NAV2: variants seen among roughly 807,000 people sequenced by gnomAD.
NAV2 encodes helicase, APC down-regulated 1.
In NAV2, 54 loss-of-function variants were observed where a neutral mutation model predicts 223.2. The ratio of observed to expected loss-of-function variants is 0.24; its 90% CI spans 0.19 to 0.30. The LOEUF (loss-of-function observed/expected upper bound fraction) is 0.30. NAV2 is among the 10% of genes least tolerant of loss of function. NAV2 has a pLI of 1.00. For synonymous variants in NAV2, 1,279 were observed against 1,239.3 expected, an observed-to-expected ratio of 1.03 and a Z score of -0.67; for missense variants, 2,806 against 3,147.5, an observed-to-expected ratio of 0.89 and a Z score of 2.60.
At chr11:19,502,255 A>T (rs541237322) in intron 1 of NAV2, among the ~76,000 whole-genome samples, 13 of 152,312 alleles carry the variant, frequency 8.5e-5, no homozygotes, top group Non-Finnish European at 1.3e-4. Context: ...ACCTTTGGCA[A>T]ATTACTTAAT....
intron 1 of NAV2, among the ~76,000 whole-genome samples, chr11:19,821,524 C>T (rs2059381678): frequency 6.6e-6 from 1 of 152,200 alleles, no homozygotes; most frequent in Non-Finnish European, 1.5e-5. Flanking sequence ...AGGCATGACC[C>T]AGTGTCTGCT....
chr11:19,601,855 A>G (rs940093888), intron 1 of NAV2, among the ~76,000 whole-genome samples: 2 of 152,232 alleles, frequency 1.3e-5, no homozygotes, highest in Non-Finnish European at 2.9e-5. Context: ...TTTTAGAAAC[A>G]AAGAGCAGGA....
chr11:19,821,752 C>T (rs769953976), intron 1 of NAV2, among the ~76,000 whole-genome samples: 3 of 152,186 alleles, frequency 2.0e-5, no homozygotes, highest in Non-Finnish European at 4.4e-5. Flanking sequence ...GTCTGTTAGT[C>T]CTGAGTGACA....
chr11:19,898,864 A>G (rs1287252348), intron 6 of NAV2, among the ~76,000 whole-genome samples: 1 of 152,212 alleles, frequency 6.6e-6, no homozygotes, highest in Non-Finnish European at 1.5e-5. Flanking sequence ...GAAATGAGGC[A>G]AATTATTTTA....
intron 22 of NAV2, among the ~76,000 whole-genome samples, chr11:20,075,484 G>A (rs563803521): frequency 6.6e-4 from 100 of 152,050 alleles, no homozygotes; most frequent in Non-Finnish European, 1.3e-3. Flanking sequence ...CTCAGGGTCC[G>A]CCCGCCTTAG....
intron 7 of NAV2, among the ~76,000 whole-genome samples, chr11:19,938,603 G>A (rs547181464): frequency 1.5e-4 from 23 of 152,304 alleles, no homozygotes; most frequent in African/African-American, 4.6e-4. Flanking sequence ...AATAAGTTGG[G>A]CTGGTTTCCA....
intron 5 of NAV2, 146 bp from the exon 6 acceptor site, chr11:19,892,288 G>T: frequency 1.4e-6 from 1 of 691,744 alleles, no homozygotes; most frequent in South Asian, 2.7e-5. Context: ...TGTTTGTAAT[G>T]GTTCCACCAA....
chr11:19,916,584 T>C (rs934062094), intron 6 of NAV2, among the ~76,000 whole-genome samples: 6 of 152,234 alleles, frequency 3.9e-5, no homozygotes, highest in African/African-American at 1.4e-4. Context: ...ACTCACTTTA[T>C]CAAACAACAT....
At chr11:19,969,222 A>C (rs116598970) in intron 10 of NAV2, among the ~76,000 whole-genome samples, 1 of 152,326 alleles carries the variant, frequency 6.6e-6, no homozygotes, top group East Asian at 1.9e-4. Flanking sequence ...AAATTTGGCC[A>C]TGGAGAAATG....
intron 1 of NAV2, among the ~76,000 whole-genome samples, chr11:19,510,737 GT>G: frequency 7.4e-6 from 1 of 134,404 alleles, no homozygotes; most frequent in Non-Finnish European, 1.6e-5. Context: ...TGATCATTTT[GT>G]TTTTTTCATC....
chr11:19,803,032 G>T (rs1164912621), intron 1 of NAV2, among the ~76,000 whole-genome samples: 1 of 152,148 alleles, frequency 6.6e-6, no homozygotes, highest in Non-Finnish European at 1.5e-5. Flanking sequence ...TGTGTTCCAG[G>T]CTGGGGTTTA....
chr11:19,634,067 CT>C (rs2047422622), intron 1 of NAV2, among the ~76,000 whole-genome samples: 2 of 152,250 alleles, frequency 1.3e-5, no homozygotes, highest in African/African-American at 2.4e-5. Context: ...TTTCTTGCCC[CT>C]CTCACCTGTG....
chr11:19,519,393 C>T (rs1565009203), intron 1 of NAV2, among the ~76,000 whole-genome samples: 1 of 152,192 alleles, frequency 6.6e-6, no homozygotes, highest in Admixed American at 6.5e-5. Context: ...TTAATCTTCA[C>T]GTTTCCTTTT....
At chr11:19,905,903 G>A (rs769409432) in intron 6 of NAV2, among the ~76,000 whole-genome samples, 5 of 152,126 alleles carry the variant, frequency 3.3e-5, no homozygotes, top group Non-Finnish European at 4.4e-5. Context: ...TTGTGGGAGC[G>A]AACCTTTTTT....
intron 1 of NAV2, among the ~76,000 whole-genome samples, chr11:19,593,658 C>T (rs761935267): frequency 2.6e-5 from 4 of 152,198 alleles, no homozygotes; most frequent in Non-Finnish European, 4.4e-5. Context: ...TACATTCCCA[C>T]CAGCAATGTG....
chr11:19,527,617 A>G (rs1347073788), intron 1 of NAV2, among the ~76,000 whole-genome samples: 3 of 90,788 alleles, frequency 3.3e-5, no homozygotes, highest in Non-Finnish European at 6.9e-5. Context: ...CACCAGCCCC[A>G]CCCCCACCCC....
chr11:19,627,078 A>G (rs2047192427), intron 1 of NAV2, among the ~76,000 whole-genome samples: 2 of 152,156 alleles, frequency 1.3e-5, no homozygotes, highest in South Asian at 4.1e-4. Flanking sequence ...GGTGTGTATA[A>G]TCAGTTGAAG....
intron 1 of NAV2, among the ~76,000 whole-genome samples, chr11:19,649,696 A>G (rs1282319212): frequency 6.6e-6 from 1 of 152,218 alleles, no homozygotes; most frequent in Admixed American, 6.5e-5. Flanking sequence ...TTTTCAACAT[A>G]TGAATTTGGG....
chr11:20,099,671 C>T (rs1363322242), intron 31 of NAV2, among the ~76,000 whole-genome samples: 2 of 152,178 alleles, frequency 1.3e-5, no homozygotes, highest in African/African-American at 4.8e-5. Context: ...GTTGCCTGAG[C>T]TGCAGTGATT....
Sources: allele counts gnomAD v4.1 joint callset (sites outside exome capture counted in the v4.1 genomes callset), GRCh38; gene constraint gnomAD v4.1.1; transcripts MANE v1.5; gene names NCBI Gene and HGNC (gene_info 2026-07-23, HGNC 2026-07-21).